KIRREL3: variants seen among roughly 807,000 people sequenced by gnomAD.
KIRREL3 encodes kin of IRRE-like protein 3.
A neutral mutation model predicts 89.7 loss-of-function variants in KIRREL3; 36 were observed. The observed-to-expected ratio is 0.40, with a 90% CI of 0.31 to 0.53. KIRREL3 has a LOEUF of 0.53. Ranked by LOEUF, KIRREL3 falls within the 20% of genes least tolerant of loss-of-function variation. KIRREL3 has a pLI of 0.49. For missense variants in KIRREL3, 864 were observed against 1,056.6 expected (o/e 0.82, Z 2.53); for synonymous variants, 445 against 441.4 (o/e 1.01, Z -0.10).
intron 1 of KIRREL3, among the ~76,000 whole-genome samples, chr11:126,962,187 T>C (rs962722622): frequency 3.3e-5 from 5 of 152,228 alleles, no homozygotes; most frequent in African/African-American, 1.2e-4. Context: ...ATACATTTTG[T>C]TGAGGCTCTA....
At chr11:126,737,244 A>T (rs970202396) in intron 1 of KIRREL3, among the ~76,000 whole-genome samples, 13 of 151,874 alleles carry the variant, frequency 8.6e-5, no homozygotes, top group African/African-American at 3.1e-4. Context: ...AGGAGCAGGG[A>T]TGGGGCCTGG....
chr11:126,785,427 T>C (rs1950457141), intron 1 of KIRREL3, among the ~76,000 whole-genome samples: 2 of 152,162 alleles, frequency 1.3e-5, no homozygotes, highest in African/African-American at 2.4e-5. Context: ...TCCTTGTCCA[T>C]CACATGCCCT....
chr11:126,509,478 G>A (rs1958128409), intron 4 of KIRREL3, among the ~76,000 whole-genome samples: 1 of 152,192 alleles, frequency 6.6e-6, no homozygotes, highest in African/African-American at 2.4e-5. Context: ...TAGGTCATGA[G>A]GTTGACATTA....
rs984979502 is a variant in KIRREL3 at position 126,628,682 on chromosome 11, T to C, written c.56-65770A>G. ...AGAGAATAGAAACTGACTGTCATTCTCTCTGCCTCTCCTGAAAGACTAATA... is the reference window on the plus strand; with the variant it reads ...AGAGAATAGAAACTGACTGTCATTCCCTCTGCCTCTCCTGAAAGACTAATA... On this transcript the variant is annotated intron_variant, in intron 1 of 16. Transcript: ENST00000525144. This position sits in a 1 kb window ranked among gnomAD's most constrained non-coding sequence, Gnocchi z 5.2. Among the ~76,000 whole-genome samples the C allele has an allele frequency of 6.6e-6, 1 of 152,214 alleles. No individual in the cohort carries two copies. The highest frequency in any genetic ancestry group is 1.5e-5 in the Non-Finnish European group (1 of 68,036).
intron 1 of KIRREL3, among the ~76,000 whole-genome samples, chr11:126,770,647 A>G (rs1455667751): frequency 6.6e-6 from 1 of 152,170 alleles, no homozygotes; most frequent in African/African-American, 2.4e-5. Flanking sequence ...CACTCTGCAC[A>G]GAGACACTCC....
In KIRREL3 at chr11:126,708,473, A is replaced by T. The variant is rs562052307; in HGVS notation, c.56-145561T>A. On this transcript the variant is annotated intron_variant, in intron 1 of 16. Transcript: ENST00000525144. The surrounding 1 kb of genome is among the most constrained non-coding windows in gnomAD (Gnocchi z 5.7). ...GGGAAGACTGGAAATAGAGTCCTTT[A>T]TCTCAGATATCAAACCCTGGCCCAG... 6.6e-6 allele frequency among the ~76,000 whole-genome samples: 1 copy of T among 152,162 alleles called. No individual in the cohort carries two copies. Among genetic ancestry groups the T allele is most frequent in the Non-Finnish European group, 1.5e-5 (1 of 68,032 alleles).
chr11:127,001,592 T>C (rs905426969), upstream of KIRREL3, among the ~76,000 whole-genome samples: 1 of 152,078 alleles, frequency 6.6e-6, no homozygotes, highest in African/African-American at 2.4e-5. Flanking sequence ...GAGGCCAAGG[T>C]CATAGACAAC....
rs1448431588 is a variant in KIRREL3 at position 126,666,741 on chromosome 11, AT to A, written c.56-103830del. Among the ~76,000 whole-genome samples the A allele has an allele frequency of 7.2e-5, 11 of 152,006 alleles. No individual in the cohort carries two copies. The highest frequency in any genetic ancestry group is 2.4e-4 in the African/African-American group (10 of 41,372). ...TTTTGCTTTTCCCATTTTTATTTGT[AT>A]TGACTAGGAGGTCTTTCACCAGAAG... On this transcript the variant is annotated intron_variant, in intron 1 of 16. Transcript: ENST00000525144. This position sits in a 1 kb window ranked among gnomAD's most constrained non-coding sequence, Gnocchi z 4.2.
At position 126,429,636 on chromosome 11, in the gene KIRREL3, C is replaced by A. The variant is rs1345767405; in HGVS notation, c.1697-348G>T. ...ACTTCCTTCTAGAAGTCTTCTCTGA[C>A]CTGCTCTACCAGGCGGGCTCCAATC... On this transcript the variant is annotated intron_variant, in intron 14 of 16. Coordinates refer to ENST00000525144, the MANE Select transcript of KIRREL3 (RefSeq NM_032531.4). The surrounding 1 kb of genome is among the most constrained non-coding windows in gnomAD (Gnocchi z 5.2). 6.6e-6 allele frequency among the ~76,000 whole-genome samples: 1 copy of A among 152,220 alleles called. No homozygotes were observed. Among genetic ancestry groups the A allele is most frequent in the Non-Finnish European group, 1.5e-5 (1 of 68,040 alleles).
chr11:126,545,586 A>C (rs1380432265), intron 2 of KIRREL3, among the ~76,000 whole-genome samples: 1 of 148,934 alleles, frequency 6.7e-6, no homozygotes, highest in East Asian at 1.9e-4. Flanking sequence ...GCCTGACAAC[A>C]TGTGAGACCC....
At chr11:126,538,725 T>C (rs538270743) in intron 2 of KIRREL3, among the ~76,000 whole-genome samples, 83 of 152,276 alleles carry the variant, frequency 5.5e-4, no homozygotes, top group South Asian at 1.2e-3. Context: ...CAGGATGCCA[T>C]GGTGCCTCAG....
At chr11:126,691,952 C>CG (rs1251560503) in intron 1 of KIRREL3, among the ~76,000 whole-genome samples, 1 of 152,136 alleles carries the variant, frequency 6.6e-6, no homozygotes, top group Non-Finnish European at 1.5e-5. Flanking sequence ...ATTTGCAAAT[C>CG]GAAATGATAG....
chr11:126,770,377 C>T (rs1344521559), intron 1 of KIRREL3, among the ~76,000 whole-genome samples: 1 of 152,196 alleles, frequency 6.6e-6, no homozygotes, highest in Non-Finnish European at 1.5e-5. Context: ...GTCACTGTTC[C>T]TGTCACTACA....
Position 126,425,016 on chromosome 11 carries a change from G to T in KIRREL3, c.1901C>A (p.Thr634Asn), listed in dbSNP as rs763560510. ...GGTGTTGACGCTGTAGTAGCCATTG[G>T]TGGGGTCCTGGATGGGCGAGAGGAA... ...EKEFQNLKDP[T>N]NGYYSVNTFK... is the part of the protein sequence containing the mutation. The change falls in exon 17 of 17, where the codon ACC becomes AAC. Residue 634 changes from threonine (T) to asparagine (N), a missense_variant. Thr to Asn is a moderately conservative substitution (Grantham distance 65). Transcript: ENST00000525144. 5 of 1,536,360 alleles carry T rather than the reference G, an allele frequency of 3.3e-6. No individual in the cohort carries two copies. The South Asian group carries it at 5.2e-5, about 16-fold the overall frequency.
chr11:126,696,443 C>A lies in KIRREL3; in HGVS notation c.56-133531G>T, dbSNP rs573561018. On this transcript the variant is annotated intron_variant, in intron 1 of 16. Transcript: ENST00000525144. The surrounding 1 kb of genome is among the most constrained non-coding windows in gnomAD (Gnocchi z 4.4). ...ACTCCTGCCTTTGCCCAATCCCCAG[C>A]CTTCTATGAGATACCACATGCAGCC... is the stretch of plus-strand genomic sequence containing the variant. Among the ~76,000 whole-genome samples the A allele has an allele frequency of 6.6e-6, 1 of 152,134 alleles. No individual in the cohort carries two copies. Among genetic ancestry groups the A allele is most frequent in the Non-Finnish European group, 1.5e-5 (1 of 68,034 alleles).
intron 1 of KIRREL3, among the ~76,000 whole-genome samples, chr11:126,934,388 T>A (rs1446395345): frequency 1.3e-5 from 2 of 152,134 alleles, no homozygotes; most frequent in Non-Finnish European, 2.9e-5. Flanking sequence ...AAAACCACTG[T>A]GACTTTGGGT....
chr11:126,536,664 T>C (rs1937912516), intron 2 of KIRREL3, among the ~76,000 whole-genome samples: 1 of 104,466 alleles, frequency 9.6e-6, no homozygotes, highest in Admixed American at 1.0e-4. Flanking sequence ...TTTTTTTTTT[T>C]TTTGAGTCTC....
chr11:126,425,095 G>C, intron 16 of KIRREL3, 72 bp from the exon 17 acceptor site: 1 of 1,365,632 alleles, frequency 7.3e-7, no homozygotes, highest in Non-Finnish European at 9.8e-7. Context: ...TTTCCAGGCT[G>C]AGCCCGTCCC....
At chr11:126,585,590 A>C (rs1310663868) in intron 1 of KIRREL3, among the ~76,000 whole-genome samples, 1 of 152,194 alleles carries the variant, frequency 6.6e-6, no homozygotes, top group Non-Finnish European at 1.5e-5. Context: ...CTTCGCTCCC[A>C]TCTCCTGCTT....
Sources: allele counts gnomAD v4.1 joint callset (sites outside exome capture counted in the v4.1 genomes callset), GRCh38; gene constraint gnomAD v4.1.1; non-coding constraint Gnocchi (gnomAD v3.1); transcripts MANE v1.5; gene names NCBI Gene and HGNC (gene_info 2026-07-23, HGNC 2026-07-21).